UBAC2: variants seen among roughly 807,000 people sequenced by gnomAD.
The protein encoded by UBAC2 is ubiquitin-associated domain-containing protein 2.
UBAC2 carries 26 observed loss-of-function variants against 44.0 expected under a neutral mutation model. That is an observed-to-expected ratio of 0.59 (90% confidence interval 0.43 to 0.82). The LOEUF is 0.82. Ranked by LOEUF, UBAC2 falls within the 40% of genes least tolerant of loss-of-function variation. The probability of loss-of-function intolerance (pLI) is 0.00; values close to 1 mark genes in which losing one functional copy is unlikely to be tolerated. For missense variants in UBAC2, 329 were observed against 419.4 expected (o/e 0.78, Z 1.88); for synonymous variants, 155 against 154.3 (o/e 1.00, Z -0.04).
At chr13:99,243,296 G>A (rs2043342721) in intron 2 of UBAC2, among the ~76,000 whole-genome samples, 1 of 146,446 alleles carries the variant, frequency 6.8e-6, no homozygotes, top group Non-Finnish European at 1.5e-5. Context: ...CAGAAGTTGG[G>A]TGAAACAATG....
At chr13:99,353,315 G>C (rs1041451389) in intron 7 of UBAC2, among the ~76,000 whole-genome samples, 1 of 152,240 alleles carries the variant, frequency 6.6e-6, no homozygotes, top group African/African-American at 2.4e-5. Context: ...AGAAGCTACT[G>C]CTGTGTTTCC....
intron 8 of UBAC2, among the ~76,000 whole-genome samples, chr13:99,368,688 A>AGTGTGGGTGTGTGTGTGT (rs1555332920): frequency 6.8e-6 from 1 of 146,596 alleles, no homozygotes; most frequent in African/African-American, 2.5e-5. Flanking sequence ...CTCATGAGAG[A>AGTGTGGGTGTGTGTGTGT]GTGTGTGTGT....
At chr13:99,366,744 C>T (rs1018794129) in intron 7 of UBAC2, among the ~76,000 whole-genome samples, 3 of 152,162 alleles carry the variant, frequency 2.0e-5, no homozygotes, top group Admixed American at 6.5e-5. Flanking sequence ...CTTCCGAACT[C>T]AAACAGTGAT....
In UBAC2 at chr13:99,295,618, A is replaced by G. The variant is rs776571858; in HGVS notation, c.390-18479A>G. ...GATACTCCATGCATGTAATCCTTTC[A>G]GCCTCCTGCTTTGACATAGGGTTGA... On this transcript the variant is annotated intron_variant, in intron 4 of 8. Coordinates refer to ENST00000403766, the MANE Select transcript of UBAC2 (RefSeq NM_001144072.2). The surrounding 1 kb of genome is among the most constrained non-coding windows in gnomAD (Gnocchi z 4.1). 6.2e-7 allele frequency: 1 copy of G among 1,614,184 alleles called. No homozygotes were observed. Among genetic ancestry groups the G allele is most frequent in the Admixed American group, 1.7e-5 (1 of 60,030 alleles).
At chr13:99,213,603 G>A (rs146523338) in intron 1 of UBAC2, among the ~76,000 whole-genome samples, 1 of 151,888 alleles carries the variant, frequency 6.6e-6, no homozygotes, top group Non-Finnish European at 1.5e-5. Flanking sequence ...CAGGTGATCC[G>A]CACGACTCAG....
chr13:99,334,639 G>A (rs913197288), intron 6 of UBAC2, among the ~76,000 whole-genome samples: 4 of 151,980 alleles, frequency 2.6e-5, no homozygotes, highest in African/African-American at 9.7e-5. Context: ...ATATGAGGGG[G>A]AAAATACAGT....
At chr13:99,313,338 A>G (rs925739947) in intron 4 of UBAC2, 1 of 152,256 alleles carries the variant, frequency 6.6e-6, no homozygotes, top group Non-Finnish European at 1.5e-5. Context: ...TATTTTAGGA[A>G]GAGAGTACTG....
chr13:99,315,241 C>T (rs770474653), intron 5 of UBAC2, among the ~76,000 whole-genome samples: 9 of 152,092 alleles, frequency 5.9e-5, no homozygotes, highest in African/African-American at 9.7e-5. Flanking sequence ...CCAAATAGCC[C>T]GTTTCTGCAT....
At chr13:99,257,616 A>G (rs1847998584) in intron 4 of UBAC2, among the ~76,000 whole-genome samples, 1 of 152,228 alleles carries the variant, frequency 6.6e-6, no homozygotes, top group South Asian at 2.1e-4. Context: ...GCAAACACAG[A>G]AATTTTTGGA....
chr13:99,208,924 GT>G, intron 1 of UBAC2, among the ~76,000 whole-genome samples: 1 of 152,208 alleles, frequency 6.6e-6, no homozygotes. Context: ...ATTTTGGCCA[GT>G]TTATTTTGGT....
At chr13:99,356,913 G>A (rs1409718464) in intron 7 of UBAC2, among the ~76,000 whole-genome samples, 2 of 152,060 alleles carry the variant, frequency 1.3e-5, no homozygotes, top group Non-Finnish European at 2.9e-5. Flanking sequence ...GGCTTTGTTT[G>A]GTTTTCTTTT....
intron 1 of UBAC2, among the ~76,000 whole-genome samples, chr13:99,233,019 T>G (rs1034236089): frequency 6.6e-6 from 1 of 152,212 alleles, no homozygotes; most frequent in Non-Finnish European, 1.5e-5. Flanking sequence ...AATCATGATT[T>G]CAAAAATATA....
intron 1 of UBAC2, chr13:99,201,180 C>G (rs781299149): frequency 1.0e-5 from 14 of 1,397,680 alleles, no homozygotes; most frequent in Non-Finnish European, 1.2e-5. Context: ...ACCTGGTATC[C>G]CCAGGTGCTC....
chr13:99,278,739 A>C (rs1247926690), intron 4 of UBAC2, among the ~76,000 whole-genome samples: 1 of 152,348 alleles, frequency 6.6e-6, no homozygotes, highest in East Asian at 1.9e-4. Flanking sequence ...TCCTATTTAA[A>C]AAATAAACTT....
chr13:99,363,800 A>G (rs1372443489), intron 7 of UBAC2, among the ~76,000 whole-genome samples: 2 of 152,260 alleles, frequency 1.3e-5, no homozygotes, highest in Non-Finnish European at 2.9e-5. Context: ...GCAGTCTGCT[A>G]GACTGGAGTT....
intron 4 of UBAC2, among the ~76,000 whole-genome samples, chr13:99,278,171 T>C (rs1025954480): frequency 1.3e-5 from 2 of 152,228 alleles, no homozygotes; most frequent in African/African-American, 4.8e-5. Context: ...TTTGGTTATT[T>C]AGACCTATTT....
intron 8 of UBAC2, among the ~76,000 whole-genome samples, chr13:99,382,685 G>A (rs1425581698): frequency 2.0e-5 from 3 of 152,210 alleles, no homozygotes; most frequent in African/African-American, 7.2e-5. Context: ...TCACAGTGGT[G>A]GGGAGAAGCT....
intron 4 of UBAC2, among the ~76,000 whole-genome samples, chr13:99,270,203 C>T (rs2043798369): frequency 6.6e-6 from 1 of 151,996 alleles, no homozygotes; most frequent in Admixed American, 6.5e-5. Flanking sequence ...CTACTTGGCC[C>T]TAATAGTAAC....
intron 6 of UBAC2, among the ~76,000 whole-genome samples, chr13:99,326,942 G>A (rs1396487596): frequency 6.6e-6 from 1 of 152,208 alleles, no homozygotes; most frequent in Non-Finnish European, 1.5e-5. Flanking sequence ...CAGAGGCCCT[G>A]AAAAACACAA....
Sources: gnomAD v4.1 joint callset for allele counts (sites outside exome capture counted in the v4.1 genomes callset) on GRCh38, gnomAD v4.1.1 for gene constraint, Gnocchi (gnomAD v3.1) non-coding constraint, MANE v1.5 for transcripts, NCBI Gene and HGNC (gene_info 2026-07-23, HGNC 2026-07-21) for gene names.